UPF1: variants seen among roughly 807,000 people sequenced by gnomAD.
The protein encoded by UPF1 is regulator of nonsense transcripts 1.
UPF1 carries 9 observed loss-of-function variants against 129.2 expected under a neutral mutation model. The ratio of observed to expected loss-of-function variants is 0.07; its 90% confidence interval spans 0.04 to 0.12. The LOEUF (loss-of-function observed/expected upper bound fraction) is 0.12, where lower values mean the gene tolerates loss of function less well. Among genes scored for constraint, UPF1 ranks in the 10% least tolerant of loss-of-function variants. The probability of loss-of-function intolerance (pLI) is 1.00; values close to 1 mark genes in which losing one functional copy is unlikely to be tolerated. For synonymous variants in UPF1, 649 were observed against 644.9 expected, an observed-to-expected ratio of 1.01 and a Z score of -0.10; for missense variants, 788 against 1,525.3, an observed-to-expected ratio of 0.52 and a Z score of 8.05.
At chr19:18,837,537 A>G (rs1568268500) in intron 1 of UPF1, among the ~76,000 whole-genome samples, 1 of 152,248 alleles carries the variant, frequency 6.6e-6, no homozygotes, top group African/African-American at 2.4e-5. Context: ...CAGCAGATGA[A>G]TGGGTAAACA....
chr19:18,833,820 G>A (rs543294072), intron 1 of UPF1, among the ~76,000 whole-genome samples: 1 of 152,220 alleles, frequency 6.6e-6, no homozygotes, highest in South Asian at 2.1e-4. Context: ...TTGCATGGGG[G>A]GCTTACGTGG....
At chr19:18,863,383 C>T in intron 18 of UPF1, 55 bp from the exon 19 acceptor site, 3 of 1,589,860 alleles carry the variant, frequency 1.9e-6, no homozygotes, top group South Asian at 1.1e-5. Context: ...CTTGGACCGT[C>T]CTGTGAGACG....
At chr19:18,845,809 T>C (rs2055590681) in intron 1 of UPF1, among the ~76,000 whole-genome samples, 171 bp from the exon 2 acceptor site, 2 of 152,102 alleles carry the variant, frequency 1.3e-5, no homozygotes, top group African/African-American at 2.4e-5. Flanking sequence ...AGTGGCCCTT[T>C]TTTGGCCAGG....
chr19:18,864,377 T>C (rs1172964115), intron 20 of UPF1, 126 bp downstream of exon 20: 1 of 788,642 alleles, frequency 1.3e-6, no homozygotes, highest in Non-Finnish European at 2.0e-6. Flanking sequence ...CTGGCTCCCT[T>C]GGCCTCCCCG....
Position 18,865,181 on chromosome 19 carries a change from GCCAGGACAGATGTGCAGCT to G in UPF1, c.2858-105_2858-87del. 7.3e-7 allele frequency: 1 copy of G among 1,367,670 alleles called. No homozygotes were observed. The highest frequency in any genetic ancestry group is 1.4e-5 in the South Asian group (1 of 70,572). The allele number at this position is 1,367,670 out of a possible 1,614,324, so 84.7% of individuals were successfully genotyped here. On this transcript the variant is annotated intron_variant, in intron 20 of 23. Coordinates refer to ENST00000262803, the MANE Select transcript of UPF1 (RefSeq NM_002911.4). This position sits in a 1 kb window ranked among gnomAD's most constrained non-coding sequence, Gnocchi z 6.1. ...AATCCGCATCTTCAGCCTGGGCAGA[GCCAGGACAGATGTGCAGCT>G]CCGGCTGACTGGCTGGTGGGGTGGG...
rs957357634 is a variant in UPF1 at position 18,853,851 on chromosome 19, GC to G, written c.1156+502del. Among the ~76,000 whole-genome samples, 1 of 152,194 alleles carries G rather than the reference GC, an allele frequency of 6.6e-6. No homozygotes were observed. The highest frequency in any genetic ancestry group is 2.4e-5 in the African/African-American group (1 of 41,446). On this transcript the variant is annotated intron_variant, in intron 8 of 23. Coordinates refer to ENST00000262803, the MANE Select transcript of UPF1 (RefSeq NM_002911.4). This position sits in a 1 kb window ranked among gnomAD's most constrained non-coding sequence, Gnocchi z 4.4. ...AGTGGGGCAGCTGTAAGGCACAGGT[GC>G]AGTCAGAGGCTTGGGTGGGGAGGAG...
At chr19:18,852,755 G>A (rs1399780768) in intron 6 of UPF1, among the ~76,000 whole-genome samples, 1 of 151,738 alleles carries the variant, frequency 6.6e-6, no homozygotes, top group Non-Finnish European at 1.5e-5. Context: ...GGCCTCTGGT[G>A]TGCGGTGAAG....
At chr19:18,861,911 G>A (rs150484193) in intron 17 of UPF1, 99 bp from the exon 18 acceptor site, 9 of 1,490,170 alleles carry the variant, frequency 6.0e-6, no homozygotes, top group Non-Finnish European at 8.1e-6. Context: ...CCAAGCTCCC[G>A]GGTGGGATTT....
Position 18,865,731 on chromosome 19 carries a change from C to G in UPF1, c.3190C>G (p.Pro1064Ala). 2 of 1,613,406 alleles carry G rather than the reference C, an allele frequency of 1.2e-6. No homozygotes were observed. The highest frequency in any genetic ancestry group is 1.7e-6 in the Non-Finnish European group (2 of 1,180,012). Residue 1064 changes from proline (P) to alanine (A), a missense_variant, in exon 22 of 24, where the codon CCT becomes GCT. This residue lies in a region of UPF1 where 218 missense variants were observed against 318.1 expected (regional missense o/e 0.69). Transcript: ENST00000262803. The surrounding 1 kb of genome is among the most constrained non-coding windows in gnomAD (Gnocchi z 6.1). ...LTQGYISMSQ[P>A]SQMSQPGLSQ... ...GCAGGGCTACATCTCCATGAGCCAG[C>G]CTTCCCAGATGAGCCAGCCCGGCCT... is the stretch of plus-strand genomic sequence containing the variant.
intron 16 of UPF1, 40 bp downstream of exon 16, chr19:18,860,478 G>A: frequency 3.1e-6 from 5 of 1,595,358 alleles, no homozygotes; most frequent in African/African-American, 1.3e-5. Flanking sequence ...CAGGTCTTGG[G>A]GACAGCTTGA....
chr19:18,854,555 G>T (rs1387555427), intron 8 of UPF1, 46 bp from the exon 9 acceptor site: 2 of 1,536,946 alleles, frequency 1.3e-6, no homozygotes, highest in Non-Finnish European at 1.8e-6. Flanking sequence ...GCCCAGAAAG[G>T]TCAGCCCGGC....
intron 3 of UPF1, 132 bp downstream of exon 3, chr19:18,847,965 C>A: frequency 1.2e-6 from 1 of 833,984 alleles, no homozygotes; most frequent in Non-Finnish European, 1.9e-6. Flanking sequence ...TCCTCTGTGA[C>A]TGGTTTAACT....
At chr19:18,858,436 A>T (rs1171462544) in intron 15 of UPF1, among the ~76,000 whole-genome samples, 2 of 151,836 alleles carry the variant, frequency 1.3e-5, no homozygotes, top group Non-Finnish European at 2.9e-5. Context: ...TGGAAGACCT[A>T]CTTGACTCGG....
intron 11 of UPF1, chr19:18,855,469 AG>A (rs904617582): frequency 3.2e-5 from 19 of 600,644 alleles, no homozygotes; most frequent in South Asian, 4.0e-5. Context: ...AACTGGGGGC[AG>A]GGGGGGCATG....
In UPF1 at chr19:18,853,776, C is replaced by T. The variant is rs1252220140; in HGVS notation, c.1156+426C>T. Among the ~76,000 whole-genome samples the T allele has an allele frequency of 1.3e-5, 2 of 152,352 alleles. No homozygotes were observed. The highest frequency in any genetic ancestry group is 2.1e-4 in the South Asian group (1 of 4,834). On this transcript the variant is annotated intron_variant, in intron 8 of 23. Coordinates refer to ENST00000262803, the MANE Select transcript of UPF1 (RefSeq NM_002911.4). The surrounding 1 kb of genome is among the most constrained non-coding windows in gnomAD (Gnocchi z 4.4). ...TCTGAGCACACACTTGCTCCCAGGC[C>T]ATGTTTGGGAATGTGCAGTGACCTC...
intron 1 of UPF1, among the ~76,000 whole-genome samples, chr19:18,844,724 C>G (rs1327198600): frequency 6.6e-6 from 1 of 152,192 alleles, no homozygotes; most frequent in African/African-American, 2.4e-5. Flanking sequence ...AGATGATGAC[C>G]CTCTTGTCCT....
chr19:18,836,418 A>G (rs1479805867), intron 1 of UPF1, among the ~76,000 whole-genome samples: 2 of 152,356 alleles, frequency 1.3e-5, no homozygotes, highest in East Asian at 3.9e-4. Flanking sequence ...GTGTCTCATA[A>G]TAATTACTTT....
intron 1 of UPF1, among the ~76,000 whole-genome samples, chr19:18,835,589 C>G (rs2055475460): frequency 6.6e-6 from 1 of 152,212 alleles, no homozygotes; most frequent in Non-Finnish European, 1.5e-5. Context: ...GTCCACTTGC[C>G]TCGGCCTCCC....
rs2055661978 is a variant in UPF1 at position 18,851,857 on chromosome 19, C to G, written c.811-278C>G. ...AGGCTGGTGCCTGGGGCTTTGTAGG[C>G]AGGTTCACCCAAGTACCGGAACCCC... On this transcript the variant is annotated intron_variant, in intron 5 of 23. Coordinates refer to ENST00000262803, the MANE Select transcript of UPF1 (RefSeq NM_002911.4). This position sits in a 1 kb window ranked among gnomAD's most constrained non-coding sequence, Gnocchi z 4.2. Among the ~76,000 whole-genome samples, 1 of 152,234 alleles carries G rather than the reference C, an allele frequency of 6.6e-6. No individual in the cohort carries two copies. Among genetic ancestry groups the G allele is most frequent in the African/African-American group, 2.4e-5 (1 of 41,456 alleles).
Sources: gnomAD v4.1 joint callset for allele counts (sites outside exome capture counted in the v4.1 genomes callset) on GRCh38, gnomAD v4.1.1 for gene constraint, gnomAD v4.1.1 regional missense constraint, Gnocchi (gnomAD v3.1) non-coding constraint, MANE v1.5 for transcripts, NCBI Gene and HGNC (gene_info 2026-07-23, HGNC 2026-07-21) for gene names.